The following TEX14 variants were observed in gnomAD, a reference collection of about 807,000 sequenced individuals.
The protein encoded by TEX14 is inactive serine/threonine-protein kinase TEX14.
In TEX14, 168 loss-of-function variants were observed where a neutral mutation model predicts 178.6. The observed-to-expected ratio is 0.94, with a 90% CI of 0.83 to 1.07. The LOEUF is 1.07. TEX14 is among the 50% of genes least tolerant of loss of function. The pLI is 0.00. For missense variants in TEX14, 1,730 were observed against 1,753.6 expected, an observed-to-expected ratio of 0.99 and a Z score of 0.24; for synonymous variants, 626 against 634.1, an observed-to-expected ratio of 0.99 and a Z score of 0.19.
rs550560864 is a variant in TEX14, at chr17:58,631,502, G to A, written c.137-948C>T. ...TCTCAAAACACACAAAAAGCACTCT[G>A]CACAATCCTAAGTTAAAATATATGC... On this transcript the variant is annotated intron_variant, in intron 2 of 31. Coordinates refer to ENST00000349033, the MANE Select transcript of TEX14 (RefSeq NM_031272.5). The A allele has an allele frequency of 4.6e-5, 7 of 151,776 alleles. No individual in the cohort carries two copies. The South Asian group carries it at 8.3e-4, about 18-fold the overall frequency. 9.4% of individuals were successfully genotyped at this position (151,776 alleles called of 1,614,324 possible). A position where few individuals can be genotyped will look rare whatever the true frequency, so the allele number is the denominator to read the frequency against.
intron 1 of TEX14, among the ~76,000 whole-genome samples, chr17:58,652,365 C>T (rs765718957): frequency 2.0e-5 from 3 of 152,090 alleles, no homozygotes; most frequent in Non-Finnish European, 2.9e-5. Flanking sequence ...ATCATGGTGG[C>T]GGTTACCCTC....
At chr17:58,616,386 A>G in intron 6 of TEX14, 81 bp from the exon 7 acceptor site, 1 of 1,538,348 alleles carries the variant, frequency 6.5e-7, no homozygotes, top group Non-Finnish European at 8.7e-7. Context: ...AGCCAGCTAA[A>G]AGAATGAGAG....
Position 58,599,149 on chromosome 17 carries a change from C to T in TEX14, c.2196G>A (p.Leu732=). ...TEEYLISKCV[L]DLKIMQTIMH... ...TTATTGTCTGCATAATCTTTAGATCCAGCACACACTTACTGATGAGATACT... is the reference window on the plus strand; with the variant it reads ...TTATTGTCTGCATAATCTTTAGATCTAGCACACACTTACTGATGAGATACT... The change falls in exon 14 of 32, where the codon CTG becomes CTA. Residue 732 remains leucine (L), a synonymous_variant. Transcript: ENST00000349033. 2.5e-6 allele frequency: 4 copies of T among 1,614,138 alleles called. No homozygotes were observed. Among genetic ancestry groups the T allele is most frequent in the Non-Finnish European group, 3.4e-6 (4 of 1,180,038 alleles).
chr17:58,679,242 C>A (rs2143536558), intron 1 of TEX14, among the ~76,000 whole-genome samples: 1 of 152,208 alleles, frequency 6.6e-6, no homozygotes, highest in African/African-American at 2.4e-5. Context: ...AAATTGTTAG[C>A]TTTGAAAAGG....
intron 1 of TEX14, among the ~76,000 whole-genome samples, chr17:58,672,765 T>C (rs1481999317): frequency 6.6e-6 from 1 of 151,820 alleles, no homozygotes; most frequent in Non-Finnish European, 1.5e-5. Flanking sequence ...GGAGTCTCGC[T>C]CTGTCACCCG....
intron 1 of TEX14, among the ~76,000 whole-genome samples, chr17:58,663,521 T>C (rs2047156026): frequency 6.6e-6 from 1 of 151,314 alleles, no homozygotes; most frequent in African/African-American, 2.4e-5. Flanking sequence ...GGCTAGAGTG[T>C]AGTGACATGA....
chr17:58,659,252 C>G (rs985553676), intron 1 of TEX14: 2 of 714,966 alleles, frequency 2.8e-6, no homozygotes, highest in Non-Finnish European at 3.4e-6. Flanking sequence ...AACCCTCCCC[C>G]AAGAAAAACA....
chr17:58,638,955 C>G (rs2046505910), intron 2 of TEX14, among the ~76,000 whole-genome samples: 1 of 150,706 alleles, frequency 6.6e-6, no homozygotes, highest in African/African-American at 2.4e-5. Flanking sequence ...GCTCCACCTC[C>G]CAGGTTCACG....
chr17:58,648,474 A>C (rs1408365447), intron 2 of TEX14, among the ~76,000 whole-genome samples: 1 of 152,130 alleles, frequency 6.6e-6, no homozygotes, highest in Non-Finnish European at 1.5e-5. Flanking sequence ...AACTGGTGCA[A>C]GTGTGACTAA....
intron 14 of TEX14, among the ~76,000 whole-genome samples, chr17:58,595,845 T>G (rs1026580790): frequency 2.6e-5 from 4 of 152,226 alleles, no homozygotes; most frequent in Admixed American, 2.0e-4. Context: ...GTTTTGGGCT[T>G]TGTTGTTGTT....
chr17:58,573,128 T>C (rs1202606689), intron 23 of TEX14, 53 bp downstream of exon 23: 3 of 1,597,626 alleles, frequency 1.9e-6, no homozygotes, highest in East Asian at 2.2e-5. Flanking sequence ...CCAGAGACAA[T>C]GGGCTGGGGC....
chr17:58,620,917 A>G (rs1221018012), intron 5 of TEX14, among the ~76,000 whole-genome samples: 4 of 152,214 alleles, frequency 2.6e-5, no homozygotes, highest in Non-Finnish European at 5.9e-5. Flanking sequence ...AGAAGCCAGC[A>G]GCATCCAATC....
At chr17:58,594,419 C>T (rs2045232089) in intron 14 of TEX14, among the ~76,000 whole-genome samples, 2 of 150,276 alleles carry the variant, frequency 1.3e-5, no homozygotes, top group African/African-American at 2.5e-5. Flanking sequence ...AGCCTGGTCT[C>T]GGCTCACTGC....
chr17:58,633,577 C>T (rs1015518733), intron 2 of TEX14, among the ~76,000 whole-genome samples: 6 of 152,204 alleles, frequency 3.9e-5, no homozygotes, highest in African/African-American at 7.2e-5. Flanking sequence ...CGGCTGTAAT[C>T]CCAGCACTTT....
At chr17:58,657,154 G>C (rs2046986758) in intron 1 of TEX14, among the ~76,000 whole-genome samples, 1 of 151,732 alleles carries the variant, frequency 6.6e-6, no homozygotes, top group Admixed American at 6.6e-5. Flanking sequence ...TTAAAAAATA[G>C]AGATGAGGTC....
intron 15 of TEX14, among the ~76,000 whole-genome samples, chr17:58,590,814 G>C (rs1264475274): frequency 2.6e-5 from 4 of 151,920 alleles, no homozygotes; most frequent in Non-Finnish European, 4.4e-5. Flanking sequence ...CTTGGCTTCC[G>C]AAAGTGCTGG....
At chr17:58,558,935 C>T (rs768315053) in intron 30 of TEX14, among the ~76,000 whole-genome samples, 12 of 151,956 alleles carry the variant, frequency 7.9e-5, no homozygotes, top group African/African-American at 1.4e-4. Context: ...TTTGGGAGGC[C>T]GAGGCAGGCA....
chr17:58,664,568 G>A (rs1005641884), intron 1 of TEX14, among the ~76,000 whole-genome samples: 4 of 152,204 alleles, frequency 2.6e-5, no homozygotes, highest in African/African-American at 9.7e-5. Context: ...GAATAATGCA[G>A]AGACTGAGTC....
chr17:58,659,577 A>T (rs1401339455), intron 1 of TEX14, among the ~76,000 whole-genome samples: 1 of 152,172 alleles, frequency 6.6e-6, no homozygotes, highest in East Asian at 1.9e-4. Context: ...GAACTCCCTT[A>T]CGGATCGGTT....
Sources: gnomAD v4.1 joint callset for allele counts (sites outside exome capture counted in the v4.1 genomes callset) on GRCh38, gnomAD v4.1.1 for gene constraint, MANE v1.5 for transcripts, NCBI Gene and HGNC (gene_info 2026-07-23, HGNC 2026-07-21) for gene names.